EEA1: variants seen among roughly 807,000 people sequenced by gnomAD.
The protein encoded by EEA1 is early endosome antigen 1, 162kD.
A neutral mutation model predicts 209.2 loss-of-function variants in EEA1; 111 were observed. The ratio of observed to expected loss-of-function variants is 0.53; its 90% CI spans 0.45 to 0.62. The LOEUF (loss-of-function observed/expected upper bound fraction) is 0.62, where lower values mean the gene tolerates loss of function less well. Ranked by LOEUF, EEA1 falls within the 20% of genes least tolerant of loss-of-function variation. EEA1 has a pLI of 0.00. For synonymous variants in EEA1, 536 were observed against 540.6 expected (o/e 0.99, Z 0.12); for missense variants, 1,343 against 1,530.8 (o/e 0.88, Z 2.05).
At chr12:92,825,318 G>T (rs1209183753) in intron 13 of EEA1, among the ~76,000 whole-genome samples, 1 of 152,098 alleles carries the variant, frequency 6.6e-6, no homozygotes, top group Non-Finnish European at 1.5e-5. Context: ...GGGCACGGTG[G>T]CGGACGCCTG....
chr12:92,780,183 C>A, intron 24 of EEA1, 97 bp downstream of exon 24: 1 of 1,341,604 alleles, frequency 7.5e-7, no homozygotes, highest in Non-Finnish European at 1.0e-6. Flanking sequence ...TAGCACATAG[C>A]AAGTTCTCAA....
chr12:92,799,035 G>A lies in EEA1; in HGVS notation c.2824C>T (p.Gln942Ter). The A allele has an allele frequency of 6.2e-7, 1 of 1,608,944 alleles. No homozygotes were observed. Among genetic ancestry groups the A allele is most frequent in the Non-Finnish European group, 8.5e-7 (1 of 1,178,416 alleles). The stretch of plus-strand genomic sequence containing the variant: ...TTTTGTTTTAAAGTATTCTGGGCCT[G>A]TATAAGTTGTTCCTGCATTGAATTG... ...ELNSMQEQLI[Q>*]AQNTLKQNEK... Residue 942 changes from glutamine to a stop codon, truncating the protein, a stop_gained, in exon 21 of 29, where the codon CAG (glutamine) becomes TAG (stop). Coordinates refer to ENST00000322349, the MANE Select transcript of EEA1 (RefSeq NM_003566.4). LOFTEE classifies it high-confidence loss of function.
At chr12:92,846,093 G>A (rs1877378835) in intron 9 of EEA1, among the ~76,000 whole-genome samples, 1 of 152,124 alleles carries the variant, frequency 6.6e-6, no homozygotes, top group African/African-American at 2.4e-5. Flanking sequence ...ACAACTATAA[G>A]TAAATAATCA....
chr12:92,787,808 AT>A, intron 22 of EEA1, 58 bp downstream of exon 22: 1 of 1,296,540 alleles, frequency 7.7e-7, no homozygotes, highest in Non-Finnish European at 1.0e-6. Context: ...CAAATAGATC[AT>A]TTAATAAATG....
chr12:92,862,550 T>C (rs565401365), intron 3 of EEA1, among the ~76,000 whole-genome samples: 91 of 151,646 alleles, frequency 6.0e-4, no homozygotes, highest in African/African-American at 2.1e-3. Flanking sequence ...AAGCTATGAC[T>C]ATACCAGCCT....
At chr12:92,881,080 TAG>T (rs1879117448) in intron 2 of EEA1, among the ~76,000 whole-genome samples, 3 of 152,050 alleles carry the variant, frequency 2.0e-5, no homozygotes, top group Non-Finnish European at 4.4e-5. Flanking sequence ...AGGGATGAGG[TAG>T]TCCTCCCACT....
In EEA1 at chr12:92,832,542, A is replaced by G; in HGVS notation, c.1224T>C (p.His408=). 6.2e-7 allele frequency: 1 copy of G among 1,613,450 alleles called. No homozygotes were observed. The highest frequency in any genetic ancestry group is 1.1e-5 in the South Asian group (1 of 90,904). The stretch of plus-strand genomic sequence containing the variant: ...TAATTTCACTTTGGAGTTGTAACCC[A>G]TGCTGCTCCTTTTCTTCTCTCTGTT... ...LQQQREEKEQ[H]GLQLQSEINQ... Residue 408 remains histidine, a synonymous_variant, in exon 11 of 29, where the codon CAT becomes CAC. Transcript: ENST00000322349.
intron 13 of EEA1, among the ~76,000 whole-genome samples, chr12:92,822,411 T>C (rs79681567): frequency 0.021 from 3,139 of 152,278 alleles, 59 homozygotes; most frequent in Non-Finnish European, 0.031. Flanking sequence ...TCTATTACTT[T>C]ACTGAAATTA....
intron 9 of EEA1, among the ~76,000 whole-genome samples, chr12:92,845,699 A>C (rs1341520278): frequency 1.3e-5 from 2 of 152,060 alleles, no homozygotes; most frequent in East Asian, 3.8e-4. Flanking sequence ...CGCAGCCCTT[A>C]TTATTACCTA....
At chr12:92,868,269 C>T (rs1303188310) in intron 2 of EEA1, among the ~76,000 whole-genome samples, 2 of 152,164 alleles carry the variant, frequency 1.3e-5, no homozygotes, top group Non-Finnish European at 1.5e-5. Flanking sequence ...TTCTTCAAAA[C>T]CATCTGTTGG....
intron 9 of EEA1, among the ~76,000 whole-genome samples, chr12:92,843,525 T>A (rs548942296): frequency 1.3e-4 from 20 of 152,280 alleles, no homozygotes; most frequent in African/African-American, 4.8e-4. Context: ...AAAAATAATA[T>A]AAGACAAAGA....
chr12:92,793,934 G>A (rs531096568), intron 21 of EEA1, among the ~76,000 whole-genome samples: 15 of 152,192 alleles, frequency 9.9e-5, no homozygotes, highest in Middle Eastern at 3.4e-3. Context: ...CCATCAGAGC[G>A]AACAGGCAAC....
intron 27 of EEA1, 102 bp downstream of exon 27, chr12:92,777,441 A>G: frequency 7.9e-7 from 1 of 1,269,114 alleles, no homozygotes; most frequent in Non-Finnish European, 1.1e-6. Flanking sequence ...GCTATTTGAA[A>G]GTATTTATAA....
chr12:92,808,381 C>T (rs1454251628), intron 18 of EEA1, among the ~76,000 whole-genome samples: 1 of 152,022 alleles, frequency 6.6e-6, no homozygotes, highest in Non-Finnish European at 1.5e-5. Context: ...GTGAATTTCG[C>T]ATCAATAAGA....
At chr12:92,800,132 G>T (rs1193858761) in intron 20 of EEA1, among the ~76,000 whole-genome samples, 1 of 152,048 alleles carries the variant, frequency 6.6e-6, no homozygotes, top group African/African-American at 2.4e-5. Context: ...TGAGGCAGGA[G>T]AATCGCTTGA....
At chr12:92,916,070 G>A (rs943655283) in intron 1 of EEA1, among the ~76,000 whole-genome samples, 2 of 152,190 alleles carry the variant, frequency 1.3e-5, no homozygotes, top group East Asian at 1.9e-4. Context: ...GTGAATATAA[G>A]TATTATTAAG....
intron 11 of EEA1, among the ~76,000 whole-genome samples, chr12:92,831,856 C>T (rs1876658996): frequency 6.6e-6 from 1 of 150,464 alleles, no homozygotes; most frequent in African/African-American, 2.4e-5. Context: ...GAGGCCGAGG[C>T]GGGTGGATCA....
intron 18 of EEA1, among the ~76,000 whole-genome samples, chr12:92,804,571 C>CAAAAAAAAAAAAAAAAAA: frequency 2.1e-5 from 1 of 47,748 alleles, no homozygotes; most frequent in Non-Finnish European, 4.8e-5. Flanking sequence ...GACTCTGTCT[C>CAAAAAAAAAAAAAAAAAA]AAAAAAAAAA....
intron 1 of EEA1, 62 bp from the exon 2 acceptor site, chr12:92,891,783 G>A (rs1879664971): frequency 8.4e-7 from 1 of 1,191,252 alleles, no homozygotes; most frequent in Non-Finnish European, 1.2e-6. Flanking sequence ...ATATTCATCG[G>A]CCATTTAATA....
Sources: allele counts gnomAD v4.1 joint callset (sites outside exome capture counted in the v4.1 genomes callset), GRCh38; gene constraint gnomAD v4.1.1; transcripts MANE v1.5; gene names NCBI Gene and HGNC (gene_info 2026-07-23, HGNC 2026-07-21).